BRINP2: variants seen among roughly 807,000 people sequenced by gnomAD.
The protein encoded by BRINP2 is BMP/retinoic acid inducible neural specific 2.
In BRINP2, 21 loss-of-function variants were observed where a neutral mutation model predicts 69.2. That is an observed-to-expected ratio of 0.30 (90% CI 0.22 to 0.44). The LOEUF (loss-of-function observed/expected upper bound fraction) is 0.44, where lower values mean the gene tolerates loss of function less well. BRINP2 is among the 20% of genes least tolerant of loss of function. The pLI is 1.00. For synonymous variants in BRINP2, 380 were observed against 394.1 expected, an observed-to-expected ratio of 0.96 and a Z score of 0.42; for missense variants, 877 against 986.0, an observed-to-expected ratio of 0.89 and a Z score of 1.48.
intron 1 of BRINP2, among the ~76,000 whole-genome samples, chr1:177,223,100 C>T (rs1649590335): frequency 2.0e-5 from 3 of 152,188 alleles, no homozygotes; most frequent in Admixed American, 1.3e-4. Flanking sequence ...CTGGTCTGCA[C>T]ATTCGGCCCC....
chr1:177,211,544 A>G (rs2102311144), intron 1 of BRINP2, among the ~76,000 whole-genome samples: 1 of 152,220 alleles, frequency 6.6e-6, no homozygotes, highest in South Asian at 2.1e-4. Context: ...CAGGCTTGTT[A>G]TTTTGTAGGA....
intron 2 of BRINP2, among the ~76,000 whole-genome samples, chr1:177,254,736 T>G (rs1366249594): frequency 6.6e-6 from 1 of 152,086 alleles, no homozygotes; most frequent in East Asian, 1.9e-4. Flanking sequence ...GGAAAACAAC[T>G]GACAGTATTT....
At chr1:177,271,545 C>A (rs922603139) in intron 4 of BRINP2, among the ~76,000 whole-genome samples, 1 of 152,198 alleles carries the variant, frequency 6.6e-6, no homozygotes, top group Non-Finnish European at 1.5e-5. Flanking sequence ...GTCTCAAGGA[C>A]TGTAACTCTG....
chr1:177,243,536 C>T (rs1449913846), intron 2 of BRINP2, among the ~76,000 whole-genome samples: 1 of 152,034 alleles, frequency 6.6e-6, no homozygotes, highest in Non-Finnish European at 1.5e-5. Context: ...GCTACTTGAC[C>T]ACAGGGACAA....
intron 4 of BRINP2, among the ~76,000 whole-genome samples, chr1:177,264,599 CT>C (rs1651062518): frequency 6.6e-6 from 1 of 152,234 alleles, no homozygotes; most frequent in Non-Finnish European, 1.5e-5. Flanking sequence ...TGATAAGCAA[CT>C]TTAGCAAAGT....
At chr1:177,240,075 G>T (rs897569179) in intron 2 of BRINP2, among the ~76,000 whole-genome samples, 1 of 152,170 alleles carries the variant, frequency 6.6e-6, no homozygotes, top group Non-Finnish European at 1.5e-5. Context: ...CAGAACCACT[G>T]CTCACCAAGT....
intron 4 of BRINP2, among the ~76,000 whole-genome samples, chr1:177,270,008 A>ACAAAGAAAAGTG (rs922809827): frequency 6.6e-6 from 1 of 150,456 alleles, no homozygotes; most frequent in African/African-American, 2.4e-5. Flanking sequence ...TGCCTCTTCT[A>ACAAAGAAAAGTG]CAAAGAAAAG....
intron 7 of BRINP2, 39 bp downstream of exon 7, chr1:177,278,824 C>G (rs1391400353): frequency 5.6e-6 from 9 of 1,597,468 alleles, no homozygotes; most frequent in Non-Finnish European, 7.7e-6. Context: ...AGCTCAGCAC[C>G]TCCCCTGACA....
chr1:177,257,277 G>C lies in BRINP2; in HGVS notation c.562G>C (p.Ala188Pro), dbSNP rs753254672. 3 of 1,614,114 alleles carry C rather than the reference G, an allele frequency of 1.9e-6. No individual in the cohort carries two copies. The highest frequency in any genetic ancestry group is 2.5e-6 in the Non-Finnish European group (3 of 1,180,012). Residue 188 changes from alanine (A) to proline (P), a missense_variant, in exon 4 of 8, where the codon GCT becomes CCT. This residue lies in a region of BRINP2 where 566 missense variants were observed against 625.2 expected (regional missense o/e 0.91). Coordinates refer to ENST00000361539, the MANE Select transcript of BRINP2 (RefSeq NM_021165.4). The part of the protein sequence containing the change: ...SIIGGSGNST[A>P]VSLETLHQLA... The stretch of plus-strand genomic sequence containing the variant: ...AATCGGGGGCAGTGGGAACAGCACA[G>C]CTGTGTCCCTGGAGACCCTGCACCA...
intron 1 of BRINP2, among the ~76,000 whole-genome samples, chr1:177,213,810 TC>T (rs1175814134): frequency 6.6e-6 from 1 of 152,214 alleles, no homozygotes; most frequent in Non-Finnish European, 1.5e-5. Context: ...TCTCCCATCT[TC>T]CCTTTCTTCT....
At chr1:177,179,253 C>T (rs750746592) in intron 1 of BRINP2, among the ~76,000 whole-genome samples, 1 of 152,130 alleles carries the variant, frequency 6.6e-6, no homozygotes, top group South Asian at 2.1e-4. Flanking sequence ...GGGAAAGTCT[C>T]TTAGAGAAAG....
intron 1 of BRINP2, among the ~76,000 whole-genome samples, chr1:177,227,856 T>C (rs1454383270): frequency 6.6e-6 from 1 of 152,208 alleles, no homozygotes; most frequent in Non-Finnish European, 1.5e-5. Context: ...GCTGTCCAAT[T>C]TGTGTGCCAG....
At chr1:177,212,937 C>T (rs1400842299) in intron 1 of BRINP2, among the ~76,000 whole-genome samples, 1 of 152,112 alleles carries the variant, frequency 6.6e-6, no homozygotes, top group African/African-American at 2.4e-5. Context: ...TAATACCTAC[C>T]TTGGTGGAAA....
chr1:177,259,118 T>A (rs1429592550), intron 4 of BRINP2, among the ~76,000 whole-genome samples: 1 of 152,202 alleles, frequency 6.6e-6, no homozygotes, highest in Admixed American at 6.5e-5. Context: ...GAAAAAGTCC[T>A]TGAAAGACAT....
chr1:177,265,186 C>A (rs1355972051), intron 4 of BRINP2, among the ~76,000 whole-genome samples: 1 of 152,080 alleles, frequency 6.6e-6, no homozygotes, highest in African/African-American at 2.4e-5. Context: ...ACAAACCTGA[C>A]AAAAACAAGA....
chr1:177,262,004 G>A lies in BRINP2; in HGVS notation c.669+4620G>A, dbSNP rs113523820. Among the ~76,000 whole-genome samples the A allele has an allele frequency of 1.9e-3, 286 of 152,310 alleles. 3 individuals are homozygous for A. The highest frequency in any genetic ancestry group is 6.4e-3 in the African/African-American group (266 of 41,574). ...ACATGGAGGTCACTGGTAACCTGGA[G>A]AAGAGTGGTTCAGTACATGAAGAGT... On this transcript the variant is annotated intron_variant, in intron 4 of 7. Transcript: ENST00000361539.
At chr1:177,215,864 G>T (rs995067287) in intron 1 of BRINP2, among the ~76,000 whole-genome samples, 7 of 152,002 alleles carry the variant, frequency 4.6e-5, no homozygotes, top group South Asian at 2.1e-4. Context: ...TCCTCTTAAT[G>T]AATTGATTAT....
At chr1:177,270,236 C>T (rs1468003231) in intron 4 of BRINP2, among the ~76,000 whole-genome samples, 1 of 152,148 alleles carries the variant, frequency 6.6e-6, no homozygotes, top group Non-Finnish European at 1.5e-5. Context: ...ATGAAAAGCA[C>T]TATGACTCTG....
chr1:177,251,778 T>C (rs138297772), intron 2 of BRINP2, among the ~76,000 whole-genome samples: 1 of 152,310 alleles, frequency 6.6e-6, no homozygotes, highest in East Asian at 1.9e-4. Context: ...CCAATTTTTA[T>C]TTATTATATT....
Sources: gnomAD v4.1 joint callset for allele counts (sites outside exome capture counted in the v4.1 genomes callset) on GRCh38, gnomAD v4.1.1 for gene constraint, gnomAD v4.1.1 regional missense constraint, MANE v1.5 for transcripts, NCBI Gene and HGNC (gene_info 2026-07-23, HGNC 2026-07-21) for gene names.